DLG2: variants seen among roughly 807,000 people sequenced by gnomAD.
DLG2 encodes the protein disks large homolog 2.
DLG2 carries 45 observed loss-of-function variants against 132.5 expected under a neutral mutation model. The ratio of observed to expected loss-of-function variants is 0.34; its 90% CI spans 0.27 to 0.44. The LOEUF (loss-of-function observed/expected upper bound fraction) is 0.44. DLG2 is among the 20% of genes least tolerant of loss of function. The pLI is 1.00. For synonymous variants in DLG2, 424 were observed against 419.6 expected, an observed-to-expected ratio of 1.01 and a Z score of -0.13; for missense variants, 1,045 against 1,196.9, an observed-to-expected ratio of 0.87 and a Z score of 1.87.
intron 19 of DLG2, among the ~76,000 whole-genome samples, chr11:83,610,537 A>G (rs553849539): frequency 3.4e-5 from 4 of 116,686 alleles, no homozygotes; most frequent in African/African-American, 1.4e-4. Context: ...ATAGCAACCA[A>G]CTATCGAACA....
At chr11:85,483,223 A>G (rs1364080378) in intron 3 of DLG2, among the ~76,000 whole-genome samples, 1 of 152,214 alleles carries the variant, frequency 6.6e-6, no homozygotes, top group Non-Finnish European at 1.5e-5. Context: ...GAAAATAAGC[A>G]AACCATATAT....
chr11:85,150,749 T>C (rs1436259553), intron 5 of DLG2, among the ~76,000 whole-genome samples: 5 of 126,396 alleles, frequency 4.0e-5, no homozygotes, highest in Non-Finnish European at 8.6e-5. Flanking sequence ...TGTGTGTGTG[T>C]GTAACATTTT....
At chr11:83,951,443 G>C (rs1265306643) in intron 14 of DLG2, among the ~76,000 whole-genome samples, 1 of 152,056 alleles carries the variant, frequency 6.6e-6, no homozygotes, top group African/African-American at 2.4e-5. Context: ...AAAAATAAAA[G>C]GGAACACAGG....
chr11:84,545,339 T>C (rs2099387508), intron 6 of DLG2: 6 of 518,148 alleles, frequency 1.2e-5, no homozygotes, highest in South Asian at 9.1e-5. Flanking sequence ...CTAAAACTGC[T>C]TCCATCATTT....
intron 8 of DLG2, among the ~76,000 whole-genome samples, chr11:84,236,387 A>T (rs2097158855): frequency 6.6e-6 from 1 of 152,176 alleles, no homozygotes; most frequent in Admixed American, 6.5e-5. Context: ...TTTTTCTTAC[A>T]TTGAGCCTCA....
At chr11:85,203,882 T>A (rs2081650577) in intron 4 of DLG2, among the ~76,000 whole-genome samples, 1 of 152,130 alleles carries the variant, frequency 6.6e-6, no homozygotes. Context: ...TGGTTCAACC[T>A]ACAAAAATCA....
At chr11:83,798,485 G>C (rs897009857) in intron 17 of DLG2, among the ~76,000 whole-genome samples, 1 of 152,110 alleles carries the variant, frequency 6.6e-6, no homozygotes, top group Non-Finnish European at 1.5e-5. Flanking sequence ...AATATGTTTG[G>C]TAGAAGACTA....
intron 11 of DLG2, among the ~76,000 whole-genome samples, chr11:84,017,552 T>G (rs551147871): frequency 3.3e-5 from 5 of 152,176 alleles, no homozygotes; most frequent in East Asian, 1.9e-4. Flanking sequence ...ACAAATTTCA[T>G]GCAGATATTT....
intron 15 of DLG2, among the ~76,000 whole-genome samples, chr11:83,895,889 A>G (rs934076550): frequency 1.3e-5 from 2 of 152,162 alleles, no homozygotes; most frequent in African/African-American, 4.8e-5. Context: ...TAACCATTGT[A>G]CCCCCAACCC....
chr11:85,144,735 GTTCT>G (rs2076732635), intron 5 of DLG2, among the ~76,000 whole-genome samples: 2 of 151,738 alleles, frequency 1.3e-5, no homozygotes, highest in South Asian at 4.1e-4. Flanking sequence ...TATCCTCCAT[GTTCT>G]TTGACTTTTA....
chr11:83,550,762 C>T (rs569821802), intron 19 of DLG2, among the ~76,000 whole-genome samples: 469 of 152,238 alleles, frequency 3.1e-3, no homozygotes, highest in Non-Finnish European at 5.5e-3. Context: ...TGTTCTGGGT[C>T]TGTGTATAAG....
chr11:84,693,843 T>C (rs938740704), intron 6 of DLG2, among the ~76,000 whole-genome samples: 1 of 151,722 alleles, frequency 6.6e-6, no homozygotes, highest in South Asian at 2.1e-4. Flanking sequence ...TCTTCTTGAC[T>C]ACTACTCATC....
intron 3 of DLG2, among the ~76,000 whole-genome samples, chr11:85,457,924 C>T (rs188124033): frequency 1.9e-4 from 29 of 151,878 alleles, no homozygotes; most frequent in Admixed American, 9.8e-4. Flanking sequence ...GGGATGGTCC[C>T]CTTATTTAGT....
intron 7 of DLG2, among the ~76,000 whole-genome samples, chr11:84,495,672 C>T (rs1041141810): frequency 6.6e-6 from 1 of 152,104 alleles, no homozygotes; most frequent in Non-Finnish European, 1.5e-5. Flanking sequence ...CTTCTCTGTG[C>T]TTCCATAATA....
intron 6 of DLG2, among the ~76,000 whole-genome samples, chr11:84,947,766 A>G (rs1191627632): frequency 1.3e-5 from 2 of 152,166 alleles, no homozygotes; most frequent in East Asian, 3.8e-4. Context: ...TTCTCAATTT[A>G]CCAGGGTTAG....
intron 3 of DLG2, among the ~76,000 whole-genome samples, chr11:85,568,165 C>A (rs61907153): frequency 0.017 from 2,610 of 151,976 alleles, 37 homozygotes; most frequent in South Asian, 0.035. Context: ...CAGGCATGCA[C>A]CACCATGCCT....
At chr11:84,466,491 A>G (rs905669961) in intron 7 of DLG2, among the ~76,000 whole-genome samples, 4 of 151,312 alleles carry the variant, frequency 2.6e-5, no homozygotes, top group African/African-American at 9.7e-5. Context: ...GACACAAACG[A>G]CTACATATAG....
At chr11:85,422,819 T>C (rs746252000) in intron 3 of DLG2, among the ~76,000 whole-genome samples, 4 of 152,150 alleles carry the variant, frequency 2.6e-5, no homozygotes, top group Non-Finnish European at 5.9e-5. Context: ...GCTATCTATT[T>C]CTTTGAATAT....
At chr11:85,533,662 A>G (rs2075372339) in intron 3 of DLG2, among the ~76,000 whole-genome samples, 1 of 152,098 alleles carries the variant, frequency 6.6e-6, no homozygotes, top group South Asian at 2.1e-4. Flanking sequence ...AGATAGATAT[A>G]CACATATATA....
Sources: gnomAD v4.1 joint callset for allele counts (sites outside exome capture counted in the v4.1 genomes callset) on GRCh38, gnomAD v4.1.1 for gene constraint, MANE v1.5 for transcripts, NCBI Gene and HGNC (gene_info 2026-07-23, HGNC 2026-07-21) for gene names.